The following SNTG2 variants were observed in gnomAD, a reference collection of about 807,000 sequenced individuals.
SNTG2 encodes syntrophin gamma 2, also known as gamma-2-syntrophin.
Under a neutral mutation model 70.9 loss-of-function variants are expected in SNTG2, and 74 were observed. That is an observed-to-expected ratio of 1.04 (90% CI 0.86 to 1.27). The LOEUF is 1.27. SNTG2 is among the 50% of genes most tolerant of loss of function. The pLI is 0.00. For synonymous variants in SNTG2, 278 were observed against 273.8 expected, an observed-to-expected ratio of 1.02 and a Z score of -0.15; for missense variants, 717 against 690.7, an observed-to-expected ratio of 1.04 and a Z score of -0.43.
intron 9 of SNTG2, among the ~76,000 whole-genome samples, chr2:1,221,961 C>CTG (rs1454071265): frequency 2.5e-5 from 1 of 40,644 alleles, no homozygotes; most frequent in Admixed American, 2.0e-4. Context: ...GTCTCTGTCT[C>CTG]TCTCTGTCTC....
chr2:975,306 A>G (rs913712572), intron 1 of SNTG2, among the ~76,000 whole-genome samples: 2 of 151,982 alleles, frequency 1.3e-5, no homozygotes, highest in Admixed American at 6.6e-5. Context: ...CTGTGAGCAA[A>G]CACTATACAT....
intron 1 of SNTG2, among the ~76,000 whole-genome samples, chr2:1,001,578 A>C (rs545549608): frequency 1.8e-4 from 27 of 152,152 alleles, no homozygotes; most frequent in Admixed American, 5.9e-4. Flanking sequence ...AGAATTCTAC[A>C]AGAAAAACTA....
At chr2:1,067,747 A>G (rs1335842733) in intron 1 of SNTG2, among the ~76,000 whole-genome samples, 1 of 152,138 alleles carries the variant, frequency 6.6e-6, no homozygotes, top group Non-Finnish European at 1.5e-5. Flanking sequence ...GCACCCATTT[A>G]TTTTTCAGAT....
chr2:1,085,477 T>A (rs1319904239), intron 2 of SNTG2, among the ~76,000 whole-genome samples: 1 of 152,234 alleles, frequency 6.6e-6, no homozygotes, highest in Non-Finnish European at 1.5e-5. Flanking sequence ...CTAGTTATAT[T>A]TGTATTCCCA....
chr2:1,353,993 A>G lies in SNTG2; in HGVS notation c.1489-13350A>G, dbSNP rs1301526260. On this transcript the variant is annotated intron_variant, in intron 16 of 16. Coordinates refer to ENST00000308624, the MANE Select transcript of SNTG2 (RefSeq NM_018968.4). The surrounding 1 kb of genome is among the most constrained non-coding windows in gnomAD (Gnocchi z 4.2). ...GGGTGACCTCACCGTTCACATTTTG[A>G]CAAGCACAGGATAGAGCCTCATGGC... 6.6e-6 allele frequency: 1 copy of G among 152,240 alleles called. No homozygotes were observed. The highest frequency in any genetic ancestry group is 1.5e-5 in the Non-Finnish European group (1 of 68,042). The allele number at this position is 152,240 out of a possible 1,614,324, so 9.4% of individuals were successfully genotyped here.
At chr2:1,063,667 T>C (rs181290167) in intron 1 of SNTG2, among the ~76,000 whole-genome samples, 3 of 152,274 alleles carry the variant, frequency 2.0e-5, no homozygotes, top group African/African-American at 4.8e-5. Context: ...AAATAAATAA[T>C]TATGTCATTG....
chr2:1,211,122 A>AC (rs1478284169), intron 9 of SNTG2, among the ~76,000 whole-genome samples: 11 of 152,338 alleles, frequency 7.2e-5, no homozygotes, highest in African/African-American at 2.6e-4. Flanking sequence ...AAAATATAGC[A>AC]GAATGTTTTA....
intron 16 of SNTG2, among the ~76,000 whole-genome samples, chr2:1,331,677 C>G (rs1306284535): frequency 2.0e-5 from 3 of 152,290 alleles, no homozygotes; most frequent in Non-Finnish European, 4.4e-5. Flanking sequence ...ATTGCACTTG[C>G]AGGCTGTCAG....
At chr2:990,342 C>T (rs1156287621) in intron 1 of SNTG2, among the ~76,000 whole-genome samples, 1 of 152,210 alleles carries the variant, frequency 6.6e-6, no homozygotes, top group Non-Finnish European at 1.5e-5. Context: ...AACCAAATCC[C>T]ACAGACCTGG....
intron 8 of SNTG2, among the ~76,000 whole-genome samples, chr2:1,194,420 A>T (rs1172259664): frequency 6.6e-6 from 1 of 152,236 alleles, no homozygotes; most frequent in Non-Finnish European, 1.5e-5. Flanking sequence ...AAGTATAGGA[A>T]TGTGGGAATC....
chr2:1,111,776 G>A (rs367943571), intron 4 of SNTG2, among the ~76,000 whole-genome samples: 2 of 152,172 alleles, frequency 1.3e-5, no homozygotes, highest in Non-Finnish European at 2.9e-5. Context: ...AACCCTTACA[G>A]TCCTTTGAGA....
At chr2:1,340,979 G>T (rs1376438621) in intron 16 of SNTG2, 1 of 152,180 alleles carries the variant, frequency 6.6e-6, no homozygotes, top group Non-Finnish European at 1.5e-5. Flanking sequence ...GAGTTTACGT[G>T]CAGTATCTCA....
intron 14 of SNTG2, among the ~76,000 whole-genome samples, chr2:1,301,795 AAG>A (rs886855275): frequency 5.3e-5 from 8 of 152,184 alleles, no homozygotes; most frequent in African/African-American, 1.7e-4. Context: ...AAAAAAAATT[AAG>A]AGAGTTTAGT....
intron 6 of SNTG2, among the ~76,000 whole-genome samples, chr2:1,162,118 C>T (rs1415502500): frequency 1.3e-5 from 2 of 151,362 alleles, no homozygotes; most frequent in Admixed American, 6.6e-5. Flanking sequence ...GCTACTCTGC[C>T]TCTCTCTATT....
Position 996,673 on chromosome 2 carries a change from G to GTTTTTTTTTTTT in SNTG2, c.72+45625_72+45636dup. Among the ~76,000 whole-genome samples, 217 of 35,092 alleles carry GTTTTTTTTTTTT rather than the reference G, an allele frequency of 6.2e-3. 49 individuals carry two copies. The highest frequency in any genetic ancestry group is 0.042 in the Middle Eastern group (2 of 48). 23.0% of individuals were successfully genotyped at this position (35,092 alleles called of 152,430 possible). A position where few individuals can be genotyped will look rare whatever the true frequency, so the allele number is the denominator to read the frequency against. ...ATATTGCTTGTATTTGAGTTACCCAGTTTTTTTTTTTTTTTTTTTTTTTTT... is the reference window on the plus strand; with the variant it reads ...ATATTGCTTGTATTTGAGTTACCCAGTTTTTTTTTTTTTTTTTTTTTTTTTTTTTTTTTTTTT... On this transcript the variant is annotated intron_variant, in intron 1 of 16. Coordinates refer to ENST00000308624, the MANE Select transcript of SNTG2 (RefSeq NM_018968.4).
intron 16 of SNTG2, among the ~76,000 whole-genome samples, chr2:1,336,002 C>A (rs1034898482): frequency 1.3e-5 from 2 of 152,004 alleles, no homozygotes; most frequent in Non-Finnish European, 2.9e-5. Flanking sequence ...TGGAAGGGAC[C>A]GTCCCCATTA....
chr2:1,190,798 A>G (rs1000042753), intron 8 of SNTG2, among the ~76,000 whole-genome samples: 38 of 152,130 alleles, frequency 2.5e-4, no homozygotes, highest in African/African-American at 8.9e-4. Flanking sequence ...TTTCTGTAAG[A>G]TATCATATAT....
chr2:1,080,498 A>G (rs1266697015), intron 1 of SNTG2, among the ~76,000 whole-genome samples: 1 of 151,990 alleles, frequency 6.6e-6, no homozygotes, highest in African/African-American at 2.4e-5. Flanking sequence ...ATGTGTGTGC[A>G]TGCATTTGTG....
At chr2:1,110,266 A>G (rs561060918) in intron 4 of SNTG2, among the ~76,000 whole-genome samples, 71 of 152,308 alleles carry the variant, frequency 4.7e-4, no homozygotes, top group South Asian at 8.3e-4. Context: ...CCAAAGTCAC[A>G]GAGACTTATG....
Sources: gnomAD v4.1 joint callset for allele counts (sites outside exome capture counted in the v4.1 genomes callset) on GRCh38, gnomAD v4.1.1 for gene constraint, Gnocchi (gnomAD v3.1) non-coding constraint, MANE v1.5 for transcripts, NCBI Gene and HGNC (gene_info 2026-07-23, HGNC 2026-07-21) for gene names.